Variants in MAP3K13 observed in about 807,000 individuals in gnomAD.
MAP3K13 encodes mitogen-activated protein kinase kinase kinase 13.
In MAP3K13, 52 loss-of-function variants were observed where a neutral mutation model predicts 104.0. That is an observed-to-expected ratio of 0.50 (90% CI 0.40 to 0.63). The LOEUF is 0.63. Ranked by LOEUF, MAP3K13 falls within the 20% of genes least tolerant of loss-of-function variation. The pLI, the probability that MAP3K13 is intolerant of heterozygous loss-of-function variation, is 0.00. For missense variants in MAP3K13, 914 were observed against 1,218.5 expected (o/e 0.75, Z 3.72); for synonymous variants, 394 against 442.2 (o/e 0.89, Z 1.37).
In MAP3K13 at chr3:185,477,394, G is replaced by A; in HGVS notation, c.2499G>A (p.Gln833=). The A allele has an allele frequency of 6.2e-7, 1 of 1,611,376 alleles. No individual in the cohort carries two copies. Among genetic ancestry groups the A allele is most frequent in the South Asian group, 1.1e-5 (1 of 91,024 alleles). ...GTGAAGTTGAATTTCCACGAAGACA[G>A]AGGTAAAACCAACAAATGCACACGA... ...VDSEVEFPRR[Q]RPHRCISSCQ... is the part of the protein sequence containing the mutation. Residue 833 remains glutamine, a splice_region_variant and synonymous_variant, in exon 12 of 14, where the codon CAG becomes CAA. Transcript: ENST00000265026.
chr3:185,334,945 T>C (rs533814596), intron 2 of MAP3K13, among the ~76,000 whole-genome samples: 5 of 152,098 alleles, frequency 3.3e-5, no homozygotes, highest in Admixed American at 2.0e-4. Flanking sequence ...AAAAATTTCA[T>C]GCCTCTCTCA....
intron 2 of MAP3K13, among the ~76,000 whole-genome samples, chr3:185,345,418 C>A (rs1264081024): frequency 2.0e-5 from 3 of 152,186 alleles, no homozygotes; most frequent in Non-Finnish European, 4.4e-5. Context: ...CTGACTGATG[C>A]TGGTCTGTGG....
intron 1 of MAP3K13, among the ~76,000 whole-genome samples, chr3:185,404,172 ATT>A (rs1712974970): frequency 4.6e-5 from 7 of 152,274 alleles, no homozygotes; most frequent in Admixed American, 2.6e-4. Flanking sequence ...TGAGTGTAAG[ATT>A]AAATACTGGA....
At chr3:185,443,885 A>G (rs1454799559) in intron 4 of MAP3K13, among the ~76,000 whole-genome samples, 1 of 152,252 alleles carries the variant, frequency 6.6e-6, no homozygotes, top group Non-Finnish European at 1.5e-5. Context: ...CTGTGAAACA[A>G]AATTCATTAT....
At chr3:185,386,074 A>C (rs1577494003) in intron 1 of MAP3K13, among the ~76,000 whole-genome samples, 1 of 152,288 alleles carries the variant, frequency 6.6e-6, no homozygotes, top group East Asian at 1.9e-4. Context: ...AGCATATGCA[A>C]ATCAATAAAT....
At chr3:185,454,707 C>CAT (rs1491225225) in intron 7 of MAP3K13, among the ~76,000 whole-genome samples, 6 of 7,164 alleles carry the variant, frequency 8.4e-4, no homozygotes, top group Admixed American at 2.8e-3. Flanking sequence ...ATATATATAT[C>CAT]ATATATGAGA....
intron 2 of MAP3K13, among the ~76,000 whole-genome samples, chr3:185,295,182 G>T (rs748121833): frequency 6.6e-6 from 1 of 151,838 alleles, no homozygotes. Flanking sequence ...TTTCTTCAGG[G>T]TATTTGTTGT....
At chr3:185,432,216 G>A (rs1714783675) in intron 2 of MAP3K13, among the ~76,000 whole-genome samples, 1 of 122,610 alleles carries the variant, frequency 8.2e-6, no homozygotes, top group South Asian at 2.6e-4. Flanking sequence ...TTGAGATGGA[G>A]TCTTGGTCTG....
intron 1 of MAP3K13, among the ~76,000 whole-genome samples, chr3:185,413,705 C>T (rs970185329): frequency 6.6e-6 from 1 of 152,042 alleles, no homozygotes; most frequent in Non-Finnish European, 1.5e-5. Flanking sequence ...ACCTGTAGTC[C>T]CAGCTACTCG....
At chr3:185,383,036 A>G (rs1351015742) in intron 1 of MAP3K13, among the ~76,000 whole-genome samples, 4 of 98,040 alleles carry the variant, frequency 4.1e-5, no homozygotes, top group African/African-American at 8.0e-5. Context: ...AACAGTCCCC[A>G]GAGTGTGATG....
At chr3:185,435,556 T>G (rs1198079016) in intron 2 of MAP3K13, among the ~76,000 whole-genome samples, 2 of 152,188 alleles carry the variant, frequency 1.3e-5, no homozygotes, top group East Asian at 3.9e-4. Context: ...GATTTTAAAT[T>G]TGTCAGCTAT....
chr3:185,349,156 G>T (rs1292013810), intron 2 of MAP3K13, among the ~76,000 whole-genome samples: 3 of 151,370 alleles, frequency 2.0e-5, no homozygotes, highest in African/African-American at 7.3e-5. Flanking sequence ...GATTCAAGGG[G>T]CACATGTGCA....
In MAP3K13 at chr3:185,453,826, G is replaced by T. The variant is rs1212421687; in HGVS notation, c.1278+2431G>T. 3.6e-3 allele frequency among the ~76,000 whole-genome samples: 43 copies of T among 11,864 alleles called. 4 individuals carry two copies. Among genetic ancestry groups the T allele is most frequent in the Admixed American group, 8.4e-3 (5 of 598 alleles). 7.8% of individuals were successfully genotyped at this position (11,864 alleles called of 152,430 possible). On this transcript the variant is annotated intron_variant, in intron 7 of 13. Coordinates refer to ENST00000265026, the MANE Select transcript of MAP3K13 (RefSeq NM_004721.5). ...ATATATATATGATACATATATATGA[G>T]ATATATATATATGATACATATATAT...
At chr3:185,469,225 T>TA (rs746035865) in intron 10 of MAP3K13, among the ~76,000 whole-genome samples, 1 of 152,158 alleles carries the variant, frequency 6.6e-6, no homozygotes, top group Non-Finnish European at 1.5e-5. Context: ...AGTTAGAGAC[T>TA]AAAAAGAGTG....
In MAP3K13 at chr3:185,344,661, C is replaced by T. The variant is rs1255594860; in HGVS notation, c.-86+59018C>T. ...GCCCAACACAGAGTACCGCCTTAATCGTATTTTCAGCTACCACGTTGATTG... is the reference window on the plus strand; with the variant it reads ...GCCCAACACAGAGTACCGCCTTAATTGTATTTTCAGCTACCACGTTGATTG... On this transcript the variant is annotated intron_variant, in intron 2 of 14. Transcript: ENST00000424227. 2.0e-5 allele frequency among the ~76,000 whole-genome samples: 3 copies of T among 152,132 alleles called. No homozygotes were observed. The East Asian group carries it at 5.8e-4, about 29-fold the overall frequency.
At chr3:185,329,910 T>TTA (rs1722187311) in intron 2 of MAP3K13, among the ~76,000 whole-genome samples, 1 of 149,834 alleles carries the variant, frequency 6.7e-6, no homozygotes, top group Non-Finnish European at 1.5e-5. Flanking sequence ...TTTTTTTTTT[T>TTA]TTTTGAGACG....
chr3:185,455,436 T>C (rs953584862), intron 7 of MAP3K13, among the ~76,000 whole-genome samples: 1 of 68,508 alleles, frequency 1.5e-5, no homozygotes, highest in Admixed American at 1.8e-4. Context: ...ATATATGAGA[T>C]ATATATATGA....
At chr3:185,336,393 T>G (rs994643767) in intron 2 of MAP3K13, among the ~76,000 whole-genome samples, 2 of 151,348 alleles carry the variant, frequency 1.3e-5, no homozygotes, top group African/African-American at 4.9e-5. Context: ...AATACAAAAA[T>G]TAGCTGGGCA....
At chr3:185,458,742 C>T (rs1329675740) in intron 7 of MAP3K13, among the ~76,000 whole-genome samples, 1 of 152,218 alleles carries the variant, frequency 6.6e-6, no homozygotes, top group African/African-American at 2.4e-5. Flanking sequence ...CTCCACTTTC[C>T]ACCAAAACTT....
Sources: gnomAD v4.1 joint callset for allele counts (sites outside exome capture counted in the v4.1 genomes callset) on GRCh38, gnomAD v4.1.1 for gene constraint, MANE v1.5 for transcripts, NCBI Gene and HGNC (gene_info 2026-07-23, HGNC 2026-07-21) for gene names.